The following ZNF782 variants were observed in gnomAD, a reference collection of about 807,000 sequenced individuals.
ZNF782 encodes the protein zinc finger protein 782.
ZNF782 carries 12 observed loss-of-function variants against 13.0 expected under a neutral mutation model. That is an observed-to-expected ratio of 0.92 (90% CI 0.59 to 1.50). The LOEUF is 1.50. ZNF782 is among the 40% of genes most tolerant of loss of function. The pLI, the probability that ZNF782 is intolerant of heterozygous loss-of-function variation, is 0.00. For missense variants in ZNF782, 770 were observed against 822.9 expected (o/e 0.94, Z 0.79); for synonymous variants, 284 against 283.0 (o/e 1.00, Z -0.04).
At chr9:96,835,596 A>T (rs1258525131) in intron 4 of ZNF782, among the ~76,000 whole-genome samples, 1 of 152,200 alleles carries the variant, frequency 6.6e-6, no homozygotes, top group East Asian at 1.9e-4. Context: ...TGAAACAGCC[A>T]TGGGGTCAAG....
chr9:96,925,124 A>AACCACCG, the ZNF782 span, among the ~76,000 whole-genome samples: 1 of 152,114 alleles, frequency 6.6e-6, no homozygotes. Context: ...CCCTGCCCCG[A>AACCACCG]ACCACCGGCA....
At chr9:96,916,216 G>A in the ZNF782 span, among the ~76,000 whole-genome samples, 1 of 151,966 alleles carries the variant, frequency 6.6e-6, no homozygotes, top group African/African-American at 2.4e-5. Flanking sequence ...TTCTGGCCTG[G>A]CGCAATGGCT....
chr9:96,854,657 C>T (rs966675653), upstream of ZNF782, among the ~76,000 whole-genome samples: 2 of 152,154 alleles, frequency 1.3e-5, no homozygotes, highest in African/African-American at 4.8e-5. Context: ...TCAGAATTGG[C>T]GGGGATGGAG....
chr9:96,911,510 G>GTTTT, the ZNF782 span, among the ~76,000 whole-genome samples: 113 of 109,656 alleles, frequency 1.0e-3, 6 homozygotes, highest in East Asian at 0.023. Flanking sequence ...TTTTTTTTTT[G>GTTTT]TTTTTGTTTT....
the ZNF782 span, among the ~76,000 whole-genome samples, chr9:96,902,492 CA>C: frequency 7.9e-6 from 1 of 126,226 alleles, no homozygotes; most frequent in Non-Finnish European, 1.6e-5. Context: ...TGAGTGTAGA[CA>C]ATGAGTAGAG....
chr9:96,874,140 C>G (rs1019894656), intron 1 of ZNF782, among the ~76,000 whole-genome samples: 3 of 152,158 alleles, frequency 2.0e-5, no homozygotes, highest in Non-Finnish European at 4.4e-5. Flanking sequence ...TACAAAAGAA[C>G]AAGCTACTAA....
upstream of ZNF782, among the ~76,000 whole-genome samples, chr9:96,877,870 T>C (rs753488240): frequency 6.6e-5 from 10 of 152,222 alleles, no homozygotes; most frequent in Non-Finnish European, 1.3e-4. Context: ...GGCTTATTAA[T>C]ACTCAAATAC....
At chr9:96,918,491 C>G in the ZNF782 span, among the ~76,000 whole-genome samples, 5 of 149,066 alleles carry the variant, frequency 3.4e-5, no homozygotes, top group African/African-American at 1.2e-4. Flanking sequence ...CAGAAGAAAA[C>G]AGGGAGACAT....
At chr9:96,932,959 C>CTTTCTTTTCT in the ZNF782 span, among the ~76,000 whole-genome samples, 1 of 148,894 alleles carries the variant, frequency 6.7e-6, no homozygotes, top group African/African-American at 2.5e-5. Flanking sequence ...CCAATACTTA[C>CTTTCTTTTCT]TTTCTTTTCT....
the ZNF782 span, among the ~76,000 whole-genome samples, chr9:96,885,831 CTCTT>C: frequency 3.2e-3 from 490 of 151,612 alleles, 3 homozygotes; most frequent in Middle Eastern, 0.01. Flanking sequence ...TCCTTCCTTC[CTCTT>C]TCTTTCTTTC....
chr9:96,875,914 CCCT>C (rs1443506572), upstream of ZNF782, among the ~76,000 whole-genome samples: 2 of 152,240 alleles, frequency 1.3e-5, no homozygotes, highest in Non-Finnish European at 2.9e-5. Context: ...ATCCAGAAGA[CCCT>C]TTCCTAGAGT....
chr9:96,860,304 G>A (rs1440576844), exon 3 of ZNF782: 2 of 152,696 alleles, frequency 1.3e-5, no homozygotes, highest in African/African-American at 4.8e-5. Flanking sequence ...TTGTTACAGT[G>A]GGGGTCTTGG....
the ZNF782 span, among the ~76,000 whole-genome samples, chr9:96,881,177 T>C: frequency 2.0e-5 from 3 of 152,262 alleles, no homozygotes; most frequent in South Asian, 2.1e-4. Context: ...TCTTGCTAGA[T>C]GTTTATCAAT....
chr9:96,919,787 T>C, the ZNF782 span, among the ~76,000 whole-genome samples: 3 of 150,190 alleles, frequency 2.0e-5, 1 homozygote, highest in Admixed American at 1.3e-4. Context: ...CTCAAACTCC[T>C]GACCTCAAGT....
chr9:96,833,125 T>C (rs750100950), intron 4 of ZNF782, among the ~76,000 whole-genome samples: 13 of 152,212 alleles, frequency 8.5e-5, no homozygotes, highest in Non-Finnish European at 1.8e-4. Flanking sequence ...AGAGTAACTT[T>C]AGATTTACAG....
rs1054156239 is a variant in ZNF782, at chr9:96,844,976, T to G, written c.56A>C (p.Gln19Pro). Residue 19 changes from glutamine to proline, a missense_variant, in exon 4 of 6, where the codon CAG becomes CCG. By Grantham distance (76) the Gln-to-Pro change is moderately conservative. Transcript: ENST00000481138. Reference sequence around the variant, plus strand: ...AGGGCCCATGTGCTGCCACTCCTCCTGGCTGAATTCCACAGTCACGTCCTG... The same window carrying G: ...AGGGCCCATGTGCTGCCACTCCTCCGGGCTGAATTCCACAGTCACGTCCTG... The part of the protein sequence containing the change: ...SFQDVTVEFS[Q>P]EEWQHMGPVE... 8 of 1,614,052 alleles carry G rather than the reference T, an allele frequency of 5.0e-6. No homozygotes were observed. Among genetic ancestry groups the G allele is most frequent in the Admixed American group, 1.7e-5 (1 of 60,002 alleles).
the ZNF782 span, among the ~76,000 whole-genome samples, chr9:96,886,181 G>T: frequency 7.3e-6 from 1 of 137,150 alleles, no homozygotes; most frequent in East Asian, 2.2e-4. Flanking sequence ...GGAGCTGGAA[G>T]AAAGTAGAAA....
chr9:96,910,031 G>C, the ZNF782 span: 2 of 554,224 alleles, frequency 3.6e-6, no homozygotes, highest in South Asian at 2.9e-5. Flanking sequence ...CTGAACTCTC[G>C]TTTTCTTTTT....
the ZNF782 span, among the ~76,000 whole-genome samples, chr9:96,932,941 G>A: frequency 1.3e-5 from 2 of 150,210 alleles, no homozygotes; most frequent in African/African-American, 4.9e-5. Flanking sequence ...GAGCCATCAT[G>A]CCCCGCCCCA....
Sources: allele counts gnomAD v4.1 joint callset (sites outside exome capture counted in the v4.1 genomes callset), GRCh38; gene constraint gnomAD v4.1.1; transcripts MANE v1.5; gene names NCBI Gene and HGNC (gene_info 2026-07-23, HGNC 2026-07-21).